Variants in NOTCH3 observed in about 807,000 individuals in gnomAD.
NOTCH3 encodes the protein neurogenic locus notch homolog protein 3.
A neutral mutation model predicts 213.3 loss-of-function variants in NOTCH3; 86 were observed. The ratio of observed to expected loss-of-function variants is 0.40; its 90% CI spans 0.34 to 0.48. NOTCH3 has a LOEUF of 0.48. Ranked by LOEUF, NOTCH3 falls within the 20% of genes least tolerant of loss-of-function variation. The pLI is 0.57. For missense variants in NOTCH3, 2,783 were observed against 3,272.6 expected, an observed-to-expected ratio of 0.85 and a Z score of 3.65; for synonymous variants, 1,354 against 1,355.9, an observed-to-expected ratio of 1.00 and a Z score of 0.03.
intron 6 of NOTCH3, 51 bp downstream of exon 6, chr19:15,191,373 G>T: frequency 6.9e-7 from 1 of 1,453,444 alleles, no homozygotes; most frequent in Non-Finnish European, 9.6e-7. Flanking sequence ...CTTCTTATTT[G>T]CCCTCACTAA....
Position 15,170,501 on chromosome 19 carries a change from C to T in NOTCH3, c.4944G>A (p.Val1648=), listed in dbSNP as rs1387616524. The change falls in exon 27 of 33, where the codon GTG becomes GTA. Residue 1648 remains valine (V), a synonymous_variant. Transcript: ENST00000263388. ...TGACCAGCAGCAAGACAGCGCCCGC[C>T]ACTAGCAGTGGCAGCAGCGGGACGC... The part of the protein sequence containing the change: ...EPSVPLLPLL[V]AGAVLLLVIL... 1 of 1,610,232 alleles carries T rather than the reference C, an allele frequency of 6.2e-7. No homozygotes were observed. The highest frequency in any genetic ancestry group is 8.5e-7 in the Non-Finnish European group (1 of 1,179,972).
intron 1 of NOTCH3, among the ~76,000 whole-genome samples, chr19:15,200,049 G>A (rs1361881766): frequency 6.4e-4 from 7 of 10,986 alleles, no homozygotes; most frequent in African/African-American, 3.1e-3. Flanking sequence ...AGGAGAGGAG[G>A]AGGGGCGGGG....
intron 28 of NOTCH3, among the ~76,000 whole-genome samples, chr19:15,168,116 C>A (rs746442818): frequency 2.0e-5 from 3 of 152,044 alleles, no homozygotes; most frequent in Non-Finnish European, 4.4e-5. Flanking sequence ...AGCATCTGAT[C>A]CAGGTTCAAG....
At chr19:15,192,571 C>A in intron 2 of NOTCH3, 52 bp from the exon 3 acceptor site, 2 of 1,545,304 alleles carry the variant, frequency 1.3e-6, no homozygotes, top group Non-Finnish European at 1.7e-6. Flanking sequence ...TGGCCCCAGA[C>A]ACAAAGATAC....
chr19:15,189,403 G>A lies in NOTCH3; in HGVS notation c.1062C>T (p.Ala354=). 6.2e-7 allele frequency: 1 copy of A among 1,613,860 alleles called. No individual in the cohort carries two copies. The highest frequency in any genetic ancestry group is 8.5e-7 in the Non-Finnish European group (1 of 1,180,038). Residue 354 remains alanine, a synonymous_variant, in exon 7 of 33, where the codon GCC becomes GCT. Transcript: ENST00000263388. ...CCTCGTGGCAGGGGTTGCTGACACA[G>A]GCGTCATCCAGGTGACACAGGAGGC... The part of the protein sequence containing the change: ...KTGLLCHLDD[A]CVSNPCHEDA...
At position 15,170,426 on chromosome 19, in the gene NOTCH3, G is replaced by A. The variant is rs753335664; in HGVS notation, c.5019C>T (p.Thr1673=). 35 of 1,612,860 alleles carry A rather than the reference G, an allele frequency of 2.2e-5. No individual in the cohort carries two copies. The South Asian group carries it at 3.5e-4, about 16-fold the overall frequency. ...MVARRKREHS[T]LWFPEGFSLH... is the part of the protein sequence containing the mutation. The stretch of plus-strand genomic sequence containing the variant: ...GTGAGAAGCCCTCAGGGAACCAGAG[G>A]GTGCTGTGCTCGCGCTTGCGCCGGG... The change falls in exon 27 of 33, where the codon ACC becomes ACT. Residue 1673 remains threonine (T), a synonymous_variant. Coordinates refer to ENST00000263388, the MANE Select transcript of NOTCH3 (RefSeq NM_000435.3).
chr19:15,181,627 G>T lies in NOTCH3; in HGVS notation c.2741C>A (p.Pro914Gln), dbSNP rs908559600. ...HVASFTCTCP[P>Q]GYGGFHCEQD... The stretch of plus-strand genomic sequence containing the variant: ...TTCGCAGTGGAAGCCTCCGTAGCCT[G>T]GCGGGCAGGTGCAGGTGAAGGAGGC... The change falls in exon 17 of 33, where the codon CCA (proline) becomes CAA (glutamine). Residue 914 changes from proline to glutamine, a missense_variant. Transcript: ENST00000263388. The T allele has an allele frequency of 1.4e-5, 22 of 1,551,018 alleles. No homozygotes were observed. The highest frequency in any genetic ancestry group is 3.3e-4 in the Middle Eastern group (2 of 6,010).
At chr19:15,167,976 C>A (rs2046700435) in intron 28 of NOTCH3, among the ~76,000 whole-genome samples, 3 of 149,788 alleles carry the variant, frequency 2.0e-5, no homozygotes, top group African/African-American at 7.4e-5. Context: ...CTCACTGTGT[C>A]ACTCAGGCTG....
rs367885841 is a variant in NOTCH3, at chr19:15,161,690, C to A, written c.5938G>T (p.Ala1980Ser). 1 of 1,613,776 alleles carries A rather than the reference C, an allele frequency of 6.2e-7. No homozygotes were observed. The highest frequency in any genetic ancestry group is 1.7e-5 in the Admixed American group (1 of 60,006). ...GCAGCCTCATAGCTGCCCTCGCGGG[C>A]GGCCAGGAATAGGGGGGTCTCCTCC... Reference protein sequence around the residue: ...SKEETPLFLAAREGSYEAAKL... With the variant: ...SKEETPLFLASREGSYEAAKL... Residue 1980 changes from alanine (A) to serine (S), a missense_variant, in exon 33 of 33, where the codon GCC becomes TCC. This residue lies in a region of NOTCH3 where 636 missense variants were observed against 801.8 expected (regional missense o/e 0.79). Transcript: ENST00000263388.
chr19:15,170,240 G>T, intron 27 of NOTCH3, 70 bp from the exon 28 acceptor site: 1 of 1,503,276 alleles, frequency 6.7e-7, no homozygotes, highest in Non-Finnish European at 9.2e-7. Flanking sequence ...GAGGATTTGG[G>T]GTGGGGTCAG....
chr19:15,170,154 C>T lies in NOTCH3; in HGVS notation c.5131G>A (p.Glu1711Lys). 1 of 1,605,028 alleles carries T rather than the reference C, an allele frequency of 6.2e-7. No homozygotes were observed. Among genetic ancestry groups the T allele is most frequent in the African/African-American group, 1.3e-5 (1 of 74,976 alleles). Reference protein sequence around the residue: ...ALGMKNMAKGESLMGEVATDW... With the variant: ...ALGMKNMAKGKSLMGEVATDW... ...GTGGCCACCTCCCCCATCAGGCTCT[C>T]ACCCTTGGCCATGTTCCTGGCGGAC... The change falls in exon 28 of 33, where the codon GAG becomes AAG. Residue 1711 changes from glutamate (E) to lysine (K), a missense_variant. Physicochemically the swap from Glu to Lys is moderately conservative, Grantham distance 56. Transcript: ENST00000263388.
chr19:15,165,579 C>A lies in NOTCH3; in HGVS notation c.5668-64G>T. The A allele has an allele frequency of 6.3e-7, 1 of 1,576,448 alleles. No homozygotes were observed. The highest frequency in any genetic ancestry group is 2.3e-5 in the East Asian group (1 of 44,266). On this transcript the variant is annotated intron_variant, in intron 30 of 32. Transcript: ENST00000263388. The surrounding 1 kb of genome is among the most constrained non-coding windows in gnomAD (Gnocchi z 4.7). ...AGGAACAGAGGAATCAGGAGCACCC[C>A]TAAGTCCCATGAAGTCCCCAACCCC...
rs184420689 is a variant in NOTCH3 at position 15,193,497 on chromosome 19, C to T, written c.198-978G>A. On this transcript the variant is annotated intron_variant, in intron 2 of 32. Coordinates refer to ENST00000263388, the MANE Select transcript of NOTCH3 (RefSeq NM_000435.3). ...AGTGACAAGTGTTCATACAAGAGAACGGCTCACAACTGTAATCCCAACACT... is the reference window on the plus strand; with the variant it reads ...AGTGACAAGTGTTCATACAAGAGAATGGCTCACAACTGTAATCCCAACACT... Among the ~76,000 whole-genome samples, 374 of 152,130 alleles carry T rather than the reference C, an allele frequency of 2.5e-3. 3 individuals carry two copies. Among genetic ancestry groups the T allele is most frequent in the African/African-American group, 8.2e-3 (341 of 41,510 alleles).
intron 31 of NOTCH3, among the ~76,000 whole-genome samples, chr19:15,164,486 A>G (rs2046669463): frequency 1.3e-5 from 2 of 148,844 alleles, no homozygotes; most frequent in Admixed American, 1.4e-4. Flanking sequence ...GGTTGCAGTG[A>G]GCCAAGATCA....
At chr19:15,168,732 G>A (rs12981957) in intron 28 of NOTCH3, among the ~76,000 whole-genome samples, 27,186 of 151,916 alleles carry the variant, frequency 0.18, 2,972 homozygotes, top group African/African-American at 0.31. Context: ...TACTCGGGAG[G>A]CTGAGGCAGG....
intron 6 of NOTCH3, among the ~76,000 whole-genome samples, chr19:15,191,061 T>G: frequency 7.4e-6 from 1 of 135,654 alleles, no homozygotes. Context: ...TGAGAAGGAG[T>G]CTCACTCTGT....
chr19:15,167,303 G>T lies in NOTCH3; in HGVS notation c.5308C>A (p.Pro1770Thr), dbSNP rs764080741. 2 of 1,613,680 alleles carry T rather than the reference G, an allele frequency of 1.2e-6. No homozygotes were observed. The highest frequency in any genetic ancestry group is 2.2e-5 in the South Asian group (2 of 91,088). The change falls in exon 29 of 33, where the codon CCA (proline) becomes ACA (threonine). Residue 1770 changes from proline (P) to threonine (T), a missense_variant. Pro to Thr is a conservative substitution (Grantham distance 38). Transcript: ENST00000263388. ...IRVAPAMALT[P>T]PQGDADADGM... is the part of the protein sequence containing the mutation. ...TCAGCATCTGCGTCGCCCTGTGGTG[G>T]TGTCAGTGCCATGGCTGGTGCCACG...
intron 32 of NOTCH3, 110 bp downstream of exon 32, chr19:15,162,353 TGG>T: frequency 1.2e-6 from 1 of 837,628 alleles, no homozygotes; most frequent in East Asian, 2.6e-5. Flanking sequence ...ATCCAATGTT[TGG>T]GGTTTTATTT....
intron 2 of NOTCH3, 59 bp downstream of exon 2, chr19:15,197,441 G>GGCCCCCCCCCCCCCC: frequency 1.8e-5 from 14 of 768,338 alleles, no homozygotes; most frequent in African/African-American, 3.4e-5. Flanking sequence ...AAGACAAATC[G>GGCCCCCCCCCCCCCC]CCCCTCCCCC....
Sources: gnomAD v4.1 joint callset for allele counts (sites outside exome capture counted in the v4.1 genomes callset) on GRCh38, gnomAD v4.1.1 for gene constraint, gnomAD v4.1.1 regional missense constraint, Gnocchi (gnomAD v3.1) non-coding constraint, MANE v1.5 for transcripts, NCBI Gene and HGNC (gene_info 2026-07-23, HGNC 2026-07-21) for gene names.